Variants in ZNF408 observed in about 807,000 individuals in gnomAD.
ZNF408 encodes PR domain zinc finger protein 17.
A neutral mutation model predicts 27.6 loss-of-function variants in ZNF408; 24 were observed. The ratio of observed to expected loss-of-function variants is 0.87; its 90% confidence interval spans 0.63 to 1.22. The LOEUF is 1.22. ZNF408 is among the 50% of genes most tolerant of loss of function. The probability of loss-of-function intolerance (pLI) is 0.00; values close to 1 mark genes in which losing one functional copy is unlikely to be tolerated. For missense variants in ZNF408, 897 were observed against 949.0 expected, an observed-to-expected ratio of 0.95 and a Z score of 0.72; for synonymous variants, 410 against 396.1, an observed-to-expected ratio of 1.04 and a Z score of -0.42.
At position 46,705,186 on chromosome 11, in the gene ZNF408, T is replaced by C. The variant is rs2064742188; in HGVS notation, c.1486T>C (p.Phe496Leu). 2 of 1,611,638 alleles carry C rather than the reference T, an allele frequency of 1.2e-6. No homozygotes were observed. The highest frequency in any genetic ancestry group is 1.7e-6 in the Non-Finnish European group (2 of 1,179,936). Residue 496 changes from phenylalanine to leucine, a missense_variant, in exon 5 of 5, where the codon TTC (phenylalanine) becomes CTC (leucine). Phe to Leu is a conservative substitution (Grantham distance 22, BLOSUM62 0). Transcript: ENST00000311764. The surrounding 1 kb of genome is among the most constrained non-coding windows in gnomAD (Gnocchi z 6.5). Reference protein sequence around the residue: ...HMRLHTGEKPFLCPHCGRAFR... With the variant: ...HMRLHTGEKPLLCPHCGRAFR... Reference sequence around the variant, plus strand: ...GAGGCTCCATACAGGAGAAAAGCCTTTCCTGTGCCCGCACTGTGGCCGGGC... The same window carrying C: ...GAGGCTCCATACAGGAGAAAAGCCTCTCCTGTGCCCGCACTGTGGCCGGGC...
At chr11:46,704,126 G>A (rs2134508889) in intron 4 of ZNF408, among the ~76,000 whole-genome samples, 1 of 152,238 alleles carries the variant, frequency 6.6e-6, no homozygotes, top group Non-Finnish European at 1.5e-5. Context: ...TGATTATCCA[G>A]ATGGCTGGGA....
Position 46,705,310 on chromosome 11 carries a change from C to T in ZNF408, c.1610C>T (p.Pro537Leu). 6.2e-7 allele frequency: 1 copy of T among 1,612,096 alleles called. No homozygotes were observed. Among genetic ancestry groups the T allele is most frequent in the Admixed American group, 1.7e-5 (1 of 60,024 alleles). Residue 537 changes from proline (P) to leucine (L), a missense_variant, in exon 5 of 5, where the codon CCT (proline) becomes CTT (leucine). Pro to Leu is a moderately conservative substitution (Grantham distance 98). Transcript: ENST00000311764. The surrounding 1 kb of genome is among the most constrained non-coding windows in gnomAD (Gnocchi z 6.5). The stretch of plus-strand genomic sequence containing the variant: ...TGTGCCGATGCCTTCCCCCAGCTGC[C>T]TGAACTGCGGCGCCATCTCATCTCA... Reference protein sequence around the residue: ...PHCADAFPQLPELRRHLISHT... With the variant: ...PHCADAFPQLLELRRHLISHT...
intron 4 of ZNF408, 54 bp from the exon 5 acceptor site, chr11:46,704,299 A>G: frequency 6.6e-7 from 1 of 1,514,350 alleles, no homozygotes; most frequent in East Asian, 2.3e-5. Context: ...ATTCCCTGGT[A>G]ACACCATCTG....
intron 3 of ZNF408, 65 bp from the exon 4 acceptor site, chr11:46,702,919 G>C: frequency 6.2e-7 from 1 of 1,601,988 alleles, no homozygotes; most frequent in Non-Finnish European, 8.5e-7. Context: ...TTGGGGACTG[G>C]GGCTTTCGGG....
rs73454041 is a variant in ZNF408 at position 46,701,242 on chromosome 11, C to T, written c.52+143C>T. ...AGAGTCGCTGGGGGCTTCTGAAGAG[C>T]CCTTGAGCCTCCTCAAAACTTTCAG... On this transcript the variant is annotated intron_variant, in intron 1 of 4. Transcript: ENST00000311764. The T allele has an allele frequency of 1.7e-3, 2,663 of 1,554,478 alleles. 38 individuals are homozygous for T. The African/African-American group carries it at 0.031, about 18-fold the overall frequency.
rs753168085 is a variant in ZNF408, at chr11:46,703,179, A to G, written c.588A>G (p.Glu196=). ...AGGCAGCTGTAGCAGTGGTGACAGA[A>G]GTGGAGTCTGCTGTACAGCAGGAAG... ...DKEAAVAVVT[E]VESAVQQEVA... The change falls in exon 4 of 5, where the codon GAA becomes GAG. Residue 196 remains glutamate (E), a synonymous_variant. Transcript: ENST00000311764. The G allele has an allele frequency of 6.8e-7, 1 of 1,476,434 alleles. No homozygotes were observed. Among genetic ancestry groups the G allele is most frequent in the South Asian group, 1.3e-5 (1 of 78,672 alleles). The allele number at this position is 1,476,434 out of a possible 1,614,324, so 91.5% of individuals were successfully genotyped here. A position where few individuals can be genotyped will look rare whatever the true frequency, so the allele number is the denominator to read the frequency against.
Position 46,704,682 on chromosome 11 carries a change from C to G in ZNF408, c.982C>G (p.Gln328Glu). The part of the protein sequence containing the change: ...PRAKTPEPGA[Q>E]QSGFPTLSRS... Reference sequence around the variant, plus strand: ...AGCAAAGACCCCAGAGCCTGGAGCCCAGCAGTCTGGCTTCCCTACACTCTC... The same window carrying G: ...AGCAAAGACCCCAGAGCCTGGAGCCGAGCAGTCTGGCTTCCCTACACTCTC... Residue 328 changes from glutamine to glutamate, a missense_variant, in exon 5 of 5, where the codon CAG becomes GAG. Transcript: ENST00000311764. The G allele has an allele frequency of 6.2e-7, 1 of 1,612,964 alleles. No homozygotes were observed. The highest frequency in any genetic ancestry group is 8.5e-7 in the Non-Finnish European group (1 of 1,179,604).
intron 4 of ZNF408, among the ~76,000 whole-genome samples, 167 bp downstream of exon 4, chr11:46,703,410 G>C (rs2064725193): frequency 6.6e-6 from 1 of 152,158 alleles, no homozygotes; most frequent in Admixed American, 6.5e-5. Context: ...GGGATAGGAG[G>C]GTGGGGCTTG....
rs962126886 is a variant in ZNF408 at position 46,701,314 on chromosome 11, C to T, written c.53-85C>T. Reference sequence around the variant, plus strand: ...CTGTCCCTCGGGCTCCGCAGGCCCACCTGGACCTGCGGTTTCCTCCCACAC... The same window carrying T: ...CTGTCCCTCGGGCTCCGCAGGCCCATCTGGACCTGCGGTTTCCTCCCACAC... On this transcript the variant is annotated intron_variant, in intron 1 of 4. Coordinates refer to ENST00000311764, the MANE Select transcript of ZNF408 (RefSeq NM_024741.3). The T allele has an allele frequency of 2.5e-6, 4 of 1,576,878 alleles. No homozygotes were observed. The Admixed American group carries it at 5.3e-5, about 21-fold the overall frequency.
At chr11:46,703,633 C>T (rs2064727084) in intron 4 of ZNF408, among the ~76,000 whole-genome samples, 1 of 152,002 alleles carries the variant, frequency 6.6e-6, no homozygotes, top group Non-Finnish European at 1.5e-5. Flanking sequence ...AGAGAGTAAG[C>T]TTTGTATGTA....
chr11:46,704,238 TG>T, intron 4 of ZNF408, 114 bp from the exon 5 acceptor site: 1 of 1,082,446 alleles, frequency 9.2e-7, no homozygotes, highest in South Asian at 1.6e-5. Context: ...TTGGTATCAT[TG>T]CTCCCTCTAA....
At position 46,705,622 on chromosome 11, in the gene ZNF408, C is replaced by G; in HGVS notation, c.1922C>G (p.Pro641Arg). 2 of 1,612,696 alleles carry G rather than the reference C, an allele frequency of 1.2e-6. No homozygotes were observed. The highest frequency in any genetic ancestry group is 1.1e-5 in the South Asian group (1 of 91,088). ...GCACCCTGCAGCCCACCCTCTGTGC[C>G]TTCTGCTGCTTCTGAGCCCACTGTG... ...PEAPCSPPSVPSAASEPTVVL... is the reference protein window; with the variant it reads ...PEAPCSPPSVRSAASEPTVVL... The change falls in exon 5 of 5, where the codon CCT becomes CGT. Residue 641 changes from proline (P) to arginine (R), a missense_variant. Transcript: ENST00000311764. This position sits in a 1 kb window ranked among gnomAD's most constrained non-coding sequence, Gnocchi z 6.5.
In ZNF408 at chr11:46,705,068, C is replaced by T; in HGVS notation, c.1368C>T (p.Arg456=). 6.2e-7 allele frequency: 1 copy of T among 1,612,834 alleles called. No homozygotes were observed. Among genetic ancestry groups the T allele is most frequent in the Non-Finnish European group, 8.5e-7 (1 of 1,179,964 alleles). The change falls in exon 5 of 5, where the codon CGC becomes CGT. Residue 456 remains arginine (R), a synonymous_variant. Transcript: ENST00000311764. This position sits in a 1 kb window ranked among gnomAD's most constrained non-coding sequence, Gnocchi z 6.5. ...FARRPSLRLH[R]KTHQVPAAPA... is the part of the protein sequence containing the mutation. ...GCCGGCCCTCCCTGCGGCTGCATCG[C>T]AAGACCCACCAGGTGCCAGCTGCCC...
intron 4 of ZNF408, 36 bp downstream of exon 4, chr11:46,703,279 T>A: frequency 6.3e-7 from 1 of 1,583,336 alleles, no homozygotes; most frequent in Non-Finnish European, 8.6e-7. Context: ...CCCAGCAATT[T>A]CCCCACCAAA....
rs753831885 is a variant in ZNF408, at chr11:46,704,667, C to G, written c.967C>G (p.Pro323Ala). 11 of 1,613,736 alleles carry G rather than the reference C, an allele frequency of 6.8e-6. No individual in the cohort carries two copies. In the South Asian group the frequency reaches 1.1e-4, roughly 16 times the overall value. The stretch of plus-strand genomic sequence containing the variant: ...TCAGTGCCCACCCAGAGCAAAGACC[C>G]CAGAGCCTGGAGCCCAGCAGTCTGG... ...SDQCPPRAKTPEPGAQQSGFP... is the reference protein window; with the variant it reads ...SDQCPPRAKTAEPGAQQSGFP... Residue 323 changes from proline (P) to alanine (A), a missense_variant, in exon 5 of 5, where the codon CCA (proline) becomes GCA (alanine). By Grantham distance (27) the Pro-to-Ala change is conservative. Transcript: ENST00000311764.
In ZNF408 at chr11:46,703,193, T is replaced by C; in HGVS notation, c.602T>C (p.Val201Ala). The C allele has an allele frequency of 5.0e-6, 8 of 1,613,534 alleles. No individual in the cohort carries two copies. Among genetic ancestry groups the C allele is most frequent in the Non-Finnish European group, 6.8e-6 (8 of 1,179,906 alleles). ...GTGGTGACAGAAGTGGAGTCTGCTG[T>C]ACAGCAGGAAGTGGCCTCCCCTGGG... ...VAVVTEVESAVQQEVASPGED... is the reference protein window; with the variant it reads ...VAVVTEVESAAQQEVASPGED... The change falls in exon 4 of 5, where the codon GTA becomes GCA. Residue 201 changes from valine to alanine, a missense_variant. Val to Ala is a moderately conservative substitution (Grantham distance 64, BLOSUM62 0). Transcript: ENST00000311764.
At position 46,705,001 on chromosome 11, in the gene ZNF408, C is replaced by A; in HGVS notation, c.1301C>A (p.Ala434Asp). 6.2e-7 allele frequency: 1 copy of A among 1,613,512 alleles called. No homozygotes were observed. The highest frequency in any genetic ancestry group is 8.5e-7 in the Non-Finnish European group (1 of 1,180,038). ...LKEHQVVHSGARPFACDQCGK... is the reference protein window; with the variant it reads ...LKEHQVVHSGDRPFACDQCGK... ...GAGCACCAGGTGGTACATTCAGGTG[C>A]CCGGCCCTTTGCTTGTGACCAGTGT... The change falls in exon 5 of 5, where the codon GCC becomes GAC. Residue 434 changes from alanine to aspartate, a missense_variant. By Grantham distance (126) the Ala-to-Asp change is moderately radical. Transcript: ENST00000311764. This position sits in a 1 kb window ranked among gnomAD's most constrained non-coding sequence, Gnocchi z 6.5.
chr11:46,704,459 C>T lies in ZNF408; in HGVS notation c.759C>T (p.Gly253=), dbSNP rs2064734755. Residue 253 remains glycine, a synonymous_variant, in exon 5 of 5, where the codon GGC becomes GGT. Coordinates refer to ENST00000311764, the MANE Select transcript of ZNF408 (RefSeq NM_024741.3). ...TTTCCAAGGATAGCCAGCCACTTGG[C>T]CCATTGCTTCAGGATGGCGACGTGG... ...DRISKDSQPL[G]PLLQDGDVDE... 6.2e-7 allele frequency: 1 copy of T among 1,614,152 alleles called. No homozygotes were observed. Among genetic ancestry groups the T allele is most frequent in the African/African-American group, 1.3e-5 (1 of 75,058 alleles).
rs2064733622 is a variant in ZNF408 at position 46,704,346 on chromosome 11, C to T, written c.653-7C>T. 9 of 1,576,248 alleles carry T rather than the reference C, an allele frequency of 5.7e-6. No individual in the cohort carries two copies. The highest frequency in any genetic ancestry group is 6.0e-6 in the Non-Finnish European group (7 of 1,160,316). ...CCTAAACCCAGTACCCCATCCTTGC[C>T]TTGCAGATCCTGGTTCCCAGTCACC... On this transcript the variant is annotated splice_region_variant and splice_polypyrimidine_tract_variant and intron_variant, in intron 4 of 4. Transcript: ENST00000311764.
Sources: allele counts gnomAD v4.1 joint callset (sites outside exome capture counted in the v4.1 genomes callset), GRCh38; gene constraint gnomAD v4.1.1; non-coding constraint Gnocchi (gnomAD v3.1); transcripts MANE v1.5; gene names NCBI Gene and HGNC (gene_info 2026-07-23, HGNC 2026-07-21).